The following DYNC1I1 variants were observed in gnomAD, a reference collection of about 807,000 sequenced individuals.
The protein encoded by DYNC1I1 is dynein cytoplasmic 1 intermediate chain 1, also known as cytoplasmic dynein 1 intermediate chain 1.
A neutral mutation model predicts 86.6 loss-of-function variants in DYNC1I1; 43 were observed. The ratio of observed to expected loss-of-function variants is 0.50; its 90% confidence interval spans 0.39 to 0.64. DYNC1I1 has a LOEUF of 0.64. DYNC1I1 is among the 30% of genes least tolerant of loss of function. The pLI is 0.00. For missense variants in DYNC1I1, 604 were observed against 788.8 expected, an observed-to-expected ratio of 0.77 and a Z score of 2.81; for synonymous variants, 262 against 283.7, an observed-to-expected ratio of 0.92 and a Z score of 0.77.
At chr7:95,953,734 G>A (rs990462712) in intron 6 of DYNC1I1, among the ~76,000 whole-genome samples, 5 of 152,102 alleles carry the variant, frequency 3.3e-5, no homozygotes, top group African/African-American at 1.2e-4. Flanking sequence ...AAGATGATAG[G>A]ATTACCTCTG....
At chr7:96,081,799 G>A (rs57260069) in intron 16 of DYNC1I1, among the ~76,000 whole-genome samples, 7,773 of 152,126 alleles carry the variant, frequency 0.051, 310 homozygotes, top group East Asian at 0.23. Context: ...ACTGCTATAT[G>A]GTATAGTTGA....
At position 96,097,722 on chromosome 7, in the gene DYNC1I1, G is replaced by A; in HGVS notation, c.*129G>A. On this transcript the variant is annotated 3_prime_UTR_variant, in exon 17 of 17. Transcript: ENST00000447467. ...TGTGATATTTTGGGTGCCATATTGT[G>A]CCAGCTTTGCTCCAAGTATTCTAAA... 1.4e-6 allele frequency: 2 copies of A among 1,430,114 alleles called. No homozygotes were observed. Among genetic ancestry groups the A allele is most frequent in the Non-Finnish European group, 1.8e-6 (2 of 1,082,688 alleles). The allele number at this position is 1,430,114 out of a possible 1,614,324, so 88.6% of individuals were successfully genotyped here. A position where few individuals can be genotyped will look rare whatever the true frequency, so the allele number is the denominator to read the frequency against.
intron 6 of DYNC1I1, 79 bp downstream of exon 6, chr7:95,870,077 C>T: frequency 8.0e-7 from 1 of 1,256,594 alleles, no homozygotes; most frequent in Admixed American, 2.3e-5. Context: ...TGTTGATTTC[C>T]TCTTACCATA....
At chr7:96,102,050 G>A (rs56912405), downstream of DYNC1I1, among the ~76,000 whole-genome samples, 28,111 of 150,018 alleles carry the variant, frequency 0.19, 2,842 homozygotes, top group South Asian at 0.33. Context: ...CACAGCTGCC[G>A]TACTAGATGT....
chr7:95,962,620 A>G (rs1221007255), intron 6 of DYNC1I1, among the ~76,000 whole-genome samples: 2 of 152,120 alleles, frequency 1.3e-5, no homozygotes, highest in Non-Finnish European at 2.9e-5. Flanking sequence ...CTCTGTATCC[A>G]TTATCTCATT....
chr7:96,014,510 C>CT (rs1316537047), intron 10 of DYNC1I1, among the ~76,000 whole-genome samples: 1 of 152,182 alleles, frequency 6.6e-6, no homozygotes, highest in African/African-American at 2.4e-5. Flanking sequence ...TGTTAGTTCT[C>CT]TTGCTATATT....
intron 1 of DYNC1I1, among the ~76,000 whole-genome samples, chr7:95,788,031 TCAGGAAA>T (rs1420565230): frequency 6.6e-5 from 10 of 152,194 alleles, no homozygotes; most frequent in African/African-American, 2.4e-4. Context: ...GGGGATGAGA[TCAGGAAA>T]GTGATAGGGT....
At chr7:95,976,047 A>G (rs2115622318) in intron 6 of DYNC1I1, among the ~76,000 whole-genome samples, 1 of 152,322 alleles carries the variant, frequency 6.6e-6, no homozygotes, top group East Asian at 1.9e-4. Flanking sequence ...TTAACTTTTA[A>G]AAGATTTATT....
intron 6 of DYNC1I1, among the ~76,000 whole-genome samples, chr7:95,897,737 A>T (rs1355030006): frequency 2.7e-5 from 4 of 148,506 alleles, no homozygotes; most frequent in Admixed American, 6.7e-5. Flanking sequence ...AGTTGAGTTG[A>T]TTTTTTTTTT....
chr7:95,914,437 G>T (rs1330128760), intron 6 of DYNC1I1, among the ~76,000 whole-genome samples: 3 of 152,138 alleles, frequency 2.0e-5, no homozygotes, highest in Admixed American at 6.6e-5. Flanking sequence ...TACCCATATT[G>T]GGTCAGTCAT....
downstream of DYNC1I1, among the ~76,000 whole-genome samples, chr7:96,100,353 TC>T (rs1329418940): frequency 6.6e-6 from 1 of 150,510 alleles, no homozygotes; most frequent in South Asian, 2.1e-4. Context: ...CTTCCTTCCT[TC>T]CTTTCCTTCC....
intron 7 of DYNC1I1, among the ~76,000 whole-genome samples, chr7:95,981,703 T>C (rs1793463017): frequency 6.6e-6 from 1 of 152,128 alleles, no homozygotes; most frequent in African/African-American, 2.4e-5. Flanking sequence ...AAACACTCCA[T>C]GTTTTGTGTT....
At chr7:95,941,235 C>T (rs1792206645) in intron 6 of DYNC1I1, among the ~76,000 whole-genome samples, 1 of 151,854 alleles carries the variant, frequency 6.6e-6, no homozygotes, top group South Asian at 2.1e-4. Flanking sequence ...AGTTAGGCTG[C>T]TTGGGGGTCA....
intron 5 of DYNC1I1, 90 bp from the exon 6 acceptor site, chr7:95,869,793 T>G: frequency 1.6e-6 from 2 of 1,220,150 alleles, no homozygotes; most frequent in Non-Finnish European, 2.4e-6. Context: ...TATTTGTGGT[T>G]TGTTTGTTTT....
At chr7:96,054,912 G>T (rs1789524512) in intron 14 of DYNC1I1, among the ~76,000 whole-genome samples, 1 of 152,014 alleles carries the variant, frequency 6.6e-6, no homozygotes, top group Non-Finnish European at 1.5e-5. Flanking sequence ...CCATTCTGTA[G>T]GCTGCCTGTT....
chr7:96,031,849 A>G (rs1794814204), intron 11 of DYNC1I1, among the ~76,000 whole-genome samples: 1 of 152,002 alleles, frequency 6.6e-6, no homozygotes, highest in African/African-American at 2.4e-5. Context: ...GCTCATAGTA[A>G]CCTTCCATTT....
At chr7:95,875,053 C>T (rs1489452201) in intron 6 of DYNC1I1, among the ~76,000 whole-genome samples, 2 of 152,208 alleles carry the variant, frequency 1.3e-5, no homozygotes, top group Non-Finnish European at 2.9e-5. Flanking sequence ...AGTGTTCCCT[C>T]AAGGGAGTCC....
At chr7:95,858,057 A>G (rs1160948119) in intron 5 of DYNC1I1, among the ~76,000 whole-genome samples, 4 of 152,254 alleles carry the variant, frequency 2.6e-5, no homozygotes. Flanking sequence ...CTTCTTGAGT[A>G]TTTGTTAGTC....
intron 6 of DYNC1I1, among the ~76,000 whole-genome samples, chr7:95,873,158 A>G (rs930493255): frequency 6.6e-6 from 1 of 152,196 alleles, no homozygotes; most frequent in Non-Finnish European, 1.5e-5. Context: ...CTTGTGGTCA[A>G]GGTTTAATCT....
Sources: gnomAD v4.1 joint callset for allele counts (sites outside exome capture counted in the v4.1 genomes callset) on GRCh38, gnomAD v4.1.1 for gene constraint, MANE v1.5 for transcripts, NCBI Gene and HGNC (gene_info 2026-07-23, HGNC 2026-07-21) for gene names.